SYNE2: variants seen among roughly 807,000 people sequenced by gnomAD.
SYNE2 encodes nesprin-2.
A neutral mutation model predicts 856.3 loss-of-function variants in SYNE2; 431 were observed. The observed-to-expected ratio is 0.50, with a 90% confidence interval of 0.47 to 0.55. SYNE2 has a LOEUF of 0.55. SYNE2 is among the 20% of genes least tolerant of loss of function. SYNE2 has a pLI of 0.00. For synonymous variants in SYNE2, 2,923 were observed against 2,872.3 expected (o/e 1.02, Z -0.56); for missense variants, 8,129 against 8,023.2 (o/e 1.01, Z -0.50).
intron 101 of SYNE2, 75 bp downstream of exon 101, chr14:64,209,020 G>A: frequency 6.5e-7 from 1 of 1,529,282 alleles, no homozygotes; most frequent in Non-Finnish European, 8.9e-7. Context: ...CTCATTCACA[G>A]TAACTATTCT....
At chr14:64,073,693 AAG>A (rs1208033231) in intron 52 of SYNE2, among the ~76,000 whole-genome samples, 1 of 152,220 alleles carries the variant, frequency 6.6e-6, no homozygotes, top group Non-Finnish European at 1.5e-5. Flanking sequence ...CGTGGAGAAA[AAG>A]AGAGGACAGA....
At chr14:64,215,689 T>G in intron 107 of SYNE2, 1 of 461,410 alleles carries the variant, frequency 2.2e-6, no homozygotes, top group South Asian at 2.6e-5. Flanking sequence ...GTGGCTTGGT[T>G]TGGAACTGTT....
chr14:64,012,337 T>C (rs78238528), intron 32 of SYNE2, among the ~76,000 whole-genome samples: 1,555 of 152,336 alleles, frequency 0.01, 17 homozygotes, highest in African/African-American at 0.036. Context: ...TTATCCTCTA[T>C]TCTCTGTGTG....
chr14:63,966,567 T>TC (rs1174206727), intron 10 of SYNE2, among the ~76,000 whole-genome samples: 12 of 149,284 alleles, frequency 8.0e-5, no homozygotes, highest in African/African-American at 2.8e-4. Context: ...ACTCTTTTTT[T>TC]TCCCCCCCCG....
intron 1 of SYNE2, among the ~76,000 whole-genome samples, chr14:63,787,989 C>T (rs573006625): frequency 6.6e-6 from 1 of 152,218 alleles, no homozygotes; most frequent in African/African-American, 2.4e-5. Flanking sequence ...CCTCAGCCCC[C>T]ACTTGGCTTC....
At chr14:64,051,014 C>G (rs2097221671) in intron 47 of SYNE2, among the ~76,000 whole-genome samples, 1 of 147,052 alleles carries the variant, frequency 6.8e-6, no homozygotes, top group South Asian at 2.1e-4. Context: ...GAGTGAGACT[C>G]TGCCTCAAAA....
intron 1 of SYNE2, among the ~76,000 whole-genome samples, chr14:63,886,071 G>A (rs970736584): frequency 3.3e-5 from 5 of 152,174 alleles, no homozygotes; most frequent in African/African-American, 1.2e-4. Context: ...TACCCCACCT[G>A]TGTTGTGCTA....
At chr14:63,761,712 G>A (rs1312889493), upstream of SYNE2, among the ~76,000 whole-genome samples, 1 of 152,082 alleles carries the variant, frequency 6.6e-6, no homozygotes, top group African/African-American at 2.4e-5. Flanking sequence ...ACCTGCTTCT[G>A]GAGAAAAAAG....
Position 64,215,312 on chromosome 14 carries a change from G to T in SYNE2, c.19360G>T (p.Ala6454Ser). 1 of 1,614,114 alleles carries T rather than the reference G, an allele frequency of 6.2e-7. No individual in the cohort carries two copies. The highest frequency in any genetic ancestry group is 1.1e-5 in the South Asian group (1 of 91,076). ...SDVEIPENPEAYLKMTTKTLK... is the reference protein window; with the variant it reads ...SDVEIPENPESYLKMTTKTLK... ...TGTAGAAATCCCTGAAAATCCTGAG[G>T]CATATCTTAAAATGACCACAAAAAC... is the stretch of plus-strand genomic sequence containing the variant. Residue 6454 changes from alanine to serine, a missense_variant, in exon 107 of 116, where the codon GCA (alanine) becomes TCA (serine). Physicochemically the swap from Ala to Ser is moderately conservative, Grantham distance 99 (BLOSUM62 1). Transcript: ENST00000555002.
chr14:64,099,072 CTG>C (rs2153636789), intron 63 of SYNE2: 2 of 461,994 alleles, frequency 4.3e-6, no homozygotes, highest in South Asian at 4.3e-5. Flanking sequence ...AAGAAGTTCT[CTG>C]TAGTATCCTG....
At position 64,007,234 on chromosome 14, in the gene SYNE2, AAAG is replaced by A; in HGVS notation, c.4577+15_4577+17del. ...TTGGTCACCGAATGGTAAGGAAAAA[AAAG>A]AATCCCTCTTGAATCTGAAAAATTG... is the stretch of plus-strand genomic sequence containing the variant. On this transcript the variant is annotated intron_variant, in intron 31 of 115. Coordinates refer to ENST00000555002, the MANE Select transcript of SYNE2 (RefSeq NM_182914.3). 1 of 1,613,310 alleles carries A rather than the reference AAAG, an allele frequency of 6.2e-7. No individual in the cohort carries two copies. The highest frequency in any genetic ancestry group is 1.1e-5 in the South Asian group (1 of 91,074).
chr14:64,087,093 T>TAAA (rs56917782), intron 57 of SYNE2, among the ~76,000 whole-genome samples: 12,652 of 98,284 alleles, frequency 0.13, 1,786 homozygotes, highest in African/African-American at 0.34. Flanking sequence ...TGATAATTGG[T>TAAA]AAAAAAAAAA....
chr14:63,944,824 CTTT>C (rs55906748), intron 6 of SYNE2, among the ~76,000 whole-genome samples: 7 of 46,942 alleles, frequency 1.5e-4, no homozygotes, highest in African/African-American at 2.0e-4. Context: ...GGGCTTAAAG[CTTT>C]TTTTTTTTTT....
At chr14:63,985,651 ATAT>A (rs374008940) in intron 18 of SYNE2, among the ~76,000 whole-genome samples, 2 of 152,172 alleles carry the variant, frequency 1.3e-5, no homozygotes, top group African/African-American at 4.8e-5. Flanking sequence ...GATAGGAATG[ATAT>A]TATAATTAAG....
chr14:64,054,940 T>C (rs2097257430), intron 48 of SYNE2, among the ~76,000 whole-genome samples: 1 of 152,258 alleles, frequency 6.6e-6, no homozygotes, highest in Admixed American at 6.5e-5. Context: ...ATTCCTTAAA[T>C]AGTTTTGTAA....
chr14:63,790,903 G>A (rs569213622), intron 1 of SYNE2, among the ~76,000 whole-genome samples: 1 of 152,016 alleles, frequency 6.6e-6, no homozygotes, highest in East Asian at 1.9e-4. Flanking sequence ...TAGAAACACA[G>A]TACAGAACAG....
In SYNE2 at chr14:64,074,194, A is replaced by G. The variant is rs1045553398; in HGVS notation, c.10866+58A>G. On this transcript the variant is annotated intron_variant, in intron 53 of 115. Coordinates refer to ENST00000555002, the MANE Select transcript of SYNE2 (RefSeq NM_182914.3). ...GTACAGGCCCACAGTCTTGTATCCA[A>G]AGTCCTTGGGGTAGAGATAACTCAG... 5.1e-6 allele frequency: 8 copies of G among 1,553,918 alleles called. No homozygotes were observed. In the African/African-American group the frequency reaches 8.1e-5, roughly 16 times the overall value.
chr14:64,137,195 GGTTT>G (rs747553457), intron 78 of SYNE2, among the ~76,000 whole-genome samples: 32 of 151,988 alleles, frequency 2.1e-4, no homozygotes, highest in Non-Finnish European at 4.1e-4. Flanking sequence ...TTGGTTGGTT[GGTTT>G]GTTTTGTTTT....
At chr14:63,866,903 T>C (rs1457375694) in intron 1 of SYNE2, among the ~76,000 whole-genome samples, 3 of 152,176 alleles carry the variant, frequency 2.0e-5, no homozygotes, top group Non-Finnish European at 2.9e-5. Context: ...GCCCAGAAGA[T>C]GGAGATTGTG....
Sources: gnomAD v4.1 joint callset for allele counts (sites outside exome capture counted in the v4.1 genomes callset) on GRCh38, gnomAD v4.1.1 for gene constraint, MANE v1.5 for transcripts, NCBI Gene and HGNC (gene_info 2026-07-23, HGNC 2026-07-21) for gene names.